The following THTPA variants were observed in gnomAD, a reference collection of about 807,000 sequenced individuals.
The protein encoded by THTPA is thiamine-triphosphatase.
A neutral mutation model predicts 16.5 loss-of-function variants in THTPA; 16 were observed. The observed-to-expected ratio is 0.97, with a 90% confidence interval of 0.66 to 1.47. The LOEUF (loss-of-function observed/expected upper bound fraction) is 1.47, where lower values mean the gene tolerates loss of function less well. Ranked by LOEUF, THTPA falls within the 40% of genes most tolerant of loss-of-function variation. The pLI, the probability that THTPA is intolerant of heterozygous loss-of-function variation, is 0.00. For synonymous variants in THTPA, 110 were observed against 115.5 expected (o/e 0.95, Z 0.30); for missense variants, 281 against 280.9 (o/e 1.00, Z 0.00).
At chr14:23,530,050 T>C in the THTPA span, 1 of 1,383,472 alleles carries the variant, frequency 7.2e-7, no homozygotes, top group Admixed American at 2.0e-5. Flanking sequence ...GCTGGGCTCC[T>C]GGATTACTGC....
the THTPA span, among the ~76,000 whole-genome samples, chr14:23,546,064 A>G: frequency 1.3e-5 from 2 of 152,194 alleles, no homozygotes; most frequent in African/African-American, 2.4e-5. The surrounding 1 kb of genome is among the most constrained non-coding windows in gnomAD (Gnocchi z 4.7). Context: ...CACTAGGGAA[A>G]TGTGCATACA....
chr14:23,523,015 C>A, the THTPA span: 1 of 1,422,832 alleles, frequency 7.0e-7, no homozygotes, highest in Non-Finnish European at 9.1e-7. This position sits in a 1 kb window ranked among gnomAD's most constrained non-coding sequence, Gnocchi z 4.1. Flanking sequence ...AGGCCACCTC[C>A]AGCCACACAC....
chr14:23,522,252 C>T, the THTPA span: 5 of 1,481,732 alleles, frequency 3.4e-6, no homozygotes, highest in Non-Finnish European at 4.5e-6. Context: ...GAGCCCCGCC[C>T]AAAGAAGCAG....
chr14:23,532,924 C>T, the THTPA span: 4 of 1,536,202 alleles, frequency 2.6e-6, no homozygotes, highest in Non-Finnish European at 3.5e-6. Flanking sequence ...GGTAGAGCAG[C>T]AGCTCCAGGC....
the THTPA span, among the ~76,000 whole-genome samples, chr14:23,518,236 G>A: frequency 6.6e-6 from 1 of 152,328 alleles, no homozygotes; most frequent in African/African-American, 2.4e-5. This position sits in a 1 kb window ranked among gnomAD's most constrained non-coding sequence, Gnocchi z 4.5. Context: ...TTCCAGGGAT[G>A]AATGACTGTC....
At chr14:23,535,835 G>T in the THTPA span, among the ~76,000 whole-genome samples, 7 of 152,046 alleles carry the variant, frequency 4.6e-5, no homozygotes, top group African/African-American at 1.7e-4. This position sits in a 1 kb window ranked among gnomAD's most constrained non-coding sequence, Gnocchi z 4.5. Context: ...CAAGTGATCC[G>T]CCCACCTCGG....
the THTPA span, chr14:23,537,980 T>A: frequency 6.5e-6 from 1 of 152,856 alleles, no homozygotes. Context: ...TCACCCTCCC[T>A]AAGCCTACCA....
the THTPA span, among the ~76,000 whole-genome samples, chr14:23,547,280 T>C: frequency 6.6e-6 from 1 of 152,276 alleles, no homozygotes; most frequent in Non-Finnish European, 1.5e-5. Flanking sequence ...GTTGTATTAA[T>C]AATTACCTGG....
chr14:23,537,888 G>C, the THTPA span: 1 of 152,314 alleles, frequency 6.6e-6, no homozygotes, highest in Non-Finnish European at 1.5e-5. Flanking sequence ...AACTGACTGG[G>C]CAAGAGGCCC....
At chr14:23,530,284 T>C in the THTPA span, 1 of 1,020,124 alleles carries the variant, frequency 9.8e-7, no homozygotes, top group Non-Finnish European at 1.5e-6. Context: ...AAGCAGCCAG[T>C]CAATGAAGGA....
At chr14:23,515,481 G>C in the THTPA span, among the ~76,000 whole-genome samples, 1 of 152,338 alleles carries the variant, frequency 6.6e-6, no homozygotes, top group South Asian at 2.1e-4. Flanking sequence ...TCCATCCCAA[G>C]AAGGGAGATT....
chr14:23,530,031 A>G, the THTPA span: 40 of 1,301,084 alleles, frequency 3.1e-5, 1 homozygote, highest in Admixed American at 7.7e-4. Flanking sequence ...CTCCTTGAGC[A>G]CAGACATTGC....
At chr14:23,523,335 C>T in the THTPA span, 2 of 1,460,910 alleles carry the variant, frequency 1.4e-6, no homozygotes, top group Non-Finnish European at 1.8e-6. This position sits in a 1 kb window ranked among gnomAD's most constrained non-coding sequence, Gnocchi z 4.1. Context: ...GCAGGTGGGG[C>T]CTTGAGAGCT....
the THTPA span, chr14:23,523,277 C>T: frequency 1.4e-5 from 20 of 1,437,250 alleles, no homozygotes; most frequent in African/African-American, 4.3e-5. The surrounding 1 kb of genome is among the most constrained non-coding windows in gnomAD (Gnocchi z 4.1). Context: ...CGGCGCCAGG[C>T]GAGGCAAGGT....
chr14:23,550,230 G>C, the THTPA span, among the ~76,000 whole-genome samples: 2 of 152,208 alleles, frequency 1.3e-5, no homozygotes, highest in African/African-American at 4.8e-5. Context: ...GGTGGAAGAG[G>C]AGGCTGTCCT....
rs568162129 is a variant in THTPA at position 23,558,769 on chromosome 14, C to T, written c.622C>T (p.Arg208Cys). The change falls in exon 2 of 2, where the codon CGC (arginine) becomes TGC (cysteine). Residue 208 changes from arginine to cysteine, a missense_variant. Coordinates refer to ENST00000288014, the MANE Select transcript of THTPA (RefSeq NM_024328.6). ...LQRFRPQDYQRLLEVNSSRER... is the reference protein window; with the variant it reads ...LQRFRPQDYQCLLEVNSSRER... The stretch of plus-strand genomic sequence containing the variant: ...GCGTTTCCGGCCTCAAGACTATCAG[C>T]GCCTGCTAGAAGTGAACAGCTCCAG... The T allele has an allele frequency of 1.3e-5, 21 of 1,614,090 alleles. No individual in the cohort carries two copies. The highest frequency in any genetic ancestry group is 6.7e-5 in the East Asian group (3 of 44,896).
At chr14:23,522,912 G>A in the THTPA span, 2 of 1,461,354 alleles carry the variant, frequency 1.4e-6, no homozygotes, top group Non-Finnish European at 1.8e-6. Flanking sequence ...GAAGTGGCGA[G>A]GCCGAGGAGG....
rs549090544 is a variant in THTPA at position 23,557,842 on chromosome 14, C to T, written c.547+538C>T. Among the ~76,000 whole-genome samples, 33 of 152,300 alleles carry T rather than the reference C, an allele frequency of 2.2e-4. No homozygotes were observed. The South Asian group carries it at 6.2e-3, about 29-fold the overall frequency. Reference sequence around the variant, plus strand: ...AAAGCTGCCCTCTGGGAGGCTCAGACCCAGGATCTTCAGATCATGAGACTG... The same window carrying T: ...AAAGCTGCCCTCTGGGAGGCTCAGATCCAGGATCTTCAGATCATGAGACTG... On this transcript the variant is annotated intron_variant, in intron 1 of 1. Coordinates refer to ENST00000288014, the MANE Select transcript of THTPA (RefSeq NM_024328.6).
At position 23,556,449 on chromosome 14, in the gene THTPA, G is replaced by GCCGTATCA; in HGVS notation, c.-309_-308insCCGTATCA. ...GGTGGCAAGGTGTAGAGAGGGGGGC[G>GCCGTATCA]TTGAAAGGACACCCGCTACCCGGCC... On this transcript the variant is annotated 5_prime_UTR_variant, in exon 1 of 2. Transcript: ENST00000288014. 23 of 342,982 alleles carry GCCGTATCA rather than the reference G, an allele frequency of 6.7e-5. No individual in the cohort carries two copies. The highest frequency in any genetic ancestry group is 4.6e-4 in the South Asian group (10 of 21,898). The allele number at this position is 342,982 out of a possible 1,614,324, so 21.2% of individuals were successfully genotyped here.
Sources: allele counts gnomAD v4.1 joint callset (sites outside exome capture counted in the v4.1 genomes callset), GRCh38; gene constraint gnomAD v4.1.1; non-coding constraint Gnocchi (gnomAD v3.1); transcripts MANE v1.5; gene names NCBI Gene and HGNC (gene_info 2026-07-23, HGNC 2026-07-21).